The following FBN2 variants were observed in gnomAD, a reference collection of about 807,000 sequenced individuals.
FBN2 encodes the protein fibrillin-2.
A neutral mutation model predicts 355.6 loss-of-function variants in FBN2; 105 were observed. The ratio of observed to expected loss-of-function variants is 0.30; its 90% CI spans 0.25 to 0.35. The LOEUF (loss-of-function observed/expected upper bound fraction) is 0.35. Among genes scored for constraint, FBN2 ranks in the 10% least tolerant of loss-of-function variants. FBN2 has a pLI of 1.00. For synonymous variants in FBN2, 1,350 were observed against 1,301.2 expected (o/e 1.04, Z -0.81); for missense variants, 3,280 against 3,758.7 (o/e 0.87, Z 3.33).
Position 128,527,856 on chromosome 5 carries a change from A to G in FBN2, c.532+16T>C, listed in dbSNP as rs1267073195. 2 of 1,513,234 alleles carry G rather than the reference A, an allele frequency of 1.3e-6. No homozygotes were observed. Among genetic ancestry groups the G allele is most frequent in the Non-Finnish European group, 1.8e-6 (2 of 1,088,866 alleles). 93.7% of individuals were successfully genotyped at this position (1,513,234 alleles called of 1,614,324 possible). A position where few individuals can be genotyped will look rare whatever the true frequency, so the allele number is the denominator to read the frequency against. On this transcript the variant is annotated intron_variant, in intron 4 of 64. Transcript: ENST00000262464. ...CCACCAAATCAAATGATTTCTAATA[A>G]ATCAATGTCCCTTACGTTGTCCACA... is the stretch of plus-strand genomic sequence containing the variant.
chr5:128,279,583 CTT>C (rs1686850543), intron 56 of FBN2, among the ~76,000 whole-genome samples: 2 of 152,086 alleles, frequency 1.3e-5, no homozygotes, highest in African/African-American at 2.4e-5. Context: ...TTGAAATACT[CTT>C]TTTATGTTAA....
rs60871902 is a variant in FBN2 at position 128,495,891 on chromosome 5, C to G, written c.628+23382G>C. ...TCTGAACATGAAGTGAACAAGTTTA[C>G]CAACAAATCAGACATATGAAATGGA... On this transcript the variant is annotated intron_variant, in intron 5 of 64. Coordinates refer to ENST00000262464, the MANE Select transcript of FBN2 (RefSeq NM_001999.4). Among the ~76,000 whole-genome samples the G allele has an allele frequency of 2.6e-3, 399 of 152,022 alleles. 8 individuals carry two copies. In the East Asian group the frequency reaches 0.059, roughly 22 times the overall value.
At chr5:128,297,819 G>A (rs1219002389) in intron 48 of FBN2, among the ~76,000 whole-genome samples, 2 of 151,972 alleles carry the variant, frequency 1.3e-5, no homozygotes, top group Non-Finnish European at 2.9e-5. Context: ...TTTAATTGGA[G>A]CATTTAGTCT....
intron 5 of FBN2, among the ~76,000 whole-genome samples, chr5:128,507,879 C>T (rs1013738946): frequency 1.3e-5 from 2 of 152,004 alleles, no homozygotes; most frequent in African/African-American, 2.4e-5. Flanking sequence ...GTACTGAAAT[C>T]TCCATTAATT....
chr5:128,304,874 T>C, intron 45 of FBN2, 83 bp downstream of exon 45: 1 of 1,529,240 alleles, frequency 6.5e-7, no homozygotes, highest in Non-Finnish European at 9.1e-7. Context: ...GACATAGTAG[T>C]TACTCATGGC....
At chr5:128,325,880 C>T (rs900828321) in intron 34 of FBN2, among the ~76,000 whole-genome samples, 3 of 151,866 alleles carry the variant, frequency 2.0e-5, no homozygotes, top group Admixed American at 6.6e-5. Context: ...TGTATTGGTC[C>T]CCATTTCTTA....
chr5:128,345,360 T>C lies in FBN2; in HGVS notation c.3214A>G (p.Lys1072Glu), dbSNP rs1473016333. The C allele has an allele frequency of 6.2e-7, 1 of 1,613,942 alleles. No homozygotes were observed. Among genetic ancestry groups the C allele is most frequent in the Non-Finnish European group, 8.5e-7 (1 of 1,179,844 alleles). The change falls in exon 24 of 65, where the codon AAA (lysine) becomes GAA (glutamate). Residue 1072 changes from lysine (K) to glutamate (E), a missense_variant. By Grantham distance (56) the Lys-to-Glu change is moderately conservative. Transcript: ENST00000262464. ...GGCGCTGGCCGCAGGCAGTTACCTT[T>C]GTAAAATGGCCGCCCAGTAAGAACA... ...GDVLTGRPFY[K>E]DINECKAFPG... is the part of the protein sequence containing the mutation.
At chr5:128,488,977 T>G (rs1755424945) in intron 5 of FBN2, among the ~76,000 whole-genome samples, 1 of 152,204 alleles carries the variant, frequency 6.6e-6, no homozygotes, top group Admixed American at 6.5e-5. Flanking sequence ...ACGTGTGTCT[T>G]TATAGCAGCA....
intron 19 of FBN2, among the ~76,000 whole-genome samples, chr5:128,357,776 A>C (rs2126932054): frequency 6.6e-6 from 1 of 152,264 alleles, no homozygotes; most frequent in Non-Finnish European, 1.5e-5. Context: ...GCTCTGAAAA[A>C]CTTAAAAAGT....
At chr5:128,301,168 C>G (rs879936548) in intron 47 of FBN2, among the ~76,000 whole-genome samples, 3 of 152,188 alleles carry the variant, frequency 2.0e-5, no homozygotes, top group Non-Finnish European at 2.9e-5. Flanking sequence ...AAGACATGGA[C>G]AGCCTCAAGC....
At chr5:128,303,898 T>C (rs1749789524) in intron 45 of FBN2, among the ~76,000 whole-genome samples, 1 of 152,178 alleles carries the variant, frequency 6.6e-6, no homozygotes, top group Admixed American at 6.5e-5. Flanking sequence ...TAAACAAGCA[T>C]TCTTAGGGAG....
chr5:128,406,150 C>T (rs1466155648), intron 8 of FBN2, among the ~76,000 whole-genome samples: 1 of 152,144 alleles, frequency 6.6e-6, no homozygotes, highest in East Asian at 1.9e-4. Context: ...AGTAGTTCTC[C>T]CTTATCTGCG....
intron 15 of FBN2, among the ~76,000 whole-genome samples, chr5:128,373,121 T>A (rs1031940359): frequency 2.6e-5 from 4 of 152,208 alleles, no homozygotes; most frequent in Non-Finnish European, 5.9e-5. Context: ...TTCCAATGTG[T>A]TTCCTGGATT....
chr5:128,319,782 T>A (rs971553855), intron 34 of FBN2, among the ~76,000 whole-genome samples: 1 of 152,196 alleles, frequency 6.6e-6, no homozygotes, highest in East Asian at 1.9e-4. Flanking sequence ...TATGAAGTTA[T>A]CACTCCTCAC....
intron 7 of FBN2, among the ~76,000 whole-genome samples, chr5:128,418,394 G>A (rs1314999500): frequency 6.6e-6 from 1 of 151,750 alleles, no homozygotes; most frequent in Non-Finnish European, 1.5e-5. Context: ...TTTTGGGTTT[G>A]GTTTGTTCTT....
chr5:128,500,665 C>A (rs34797235), intron 5 of FBN2, among the ~76,000 whole-genome samples: 25,026 of 151,640 alleles, frequency 0.17, 2,355 homozygotes, highest in Non-Finnish European at 0.23. Flanking sequence ...AGGATGGTCT[C>A]GATCTCCTGA....
intron 21 of FBN2, 106 bp from the exon 22 acceptor site, chr5:128,350,111 G>A: frequency 1.1e-6 from 1 of 944,040 alleles, no homozygotes; most frequent in Non-Finnish European, 1.7e-6. Context: ...AATAAAAAAT[G>A]CAAGGCAGGG....
At chr5:128,447,140 G>A (rs1167459534) in intron 6 of FBN2, among the ~76,000 whole-genome samples, 1 of 152,118 alleles carries the variant, frequency 6.6e-6, no homozygotes, top group African/African-American at 2.4e-5. Context: ...ACCCTGTGAT[G>A]ATTGCGTTAA....
intron 5 of FBN2, among the ~76,000 whole-genome samples, chr5:128,493,773 C>T (rs758970082): frequency 6.6e-6 from 1 of 152,138 alleles, no homozygotes; most frequent in Admixed American, 6.5e-5. Flanking sequence ...AAATTAGCAT[C>T]ATACTGAAGA....
Sources: gnomAD v4.1 joint callset for allele counts (sites outside exome capture counted in the v4.1 genomes callset) on GRCh38, gnomAD v4.1.1 for gene constraint, MANE v1.5 for transcripts, NCBI Gene and HGNC (gene_info 2026-07-23, HGNC 2026-07-21) for gene names.